Variants in KLHL14 observed in about 807,000 individuals in gnomAD.
KLHL14 encodes the protein kelch like family member 14.
A neutral mutation model predicts 64.3 loss-of-function variants in KLHL14; 22 were observed. The observed-to-expected ratio is 0.34, with a 90% CI of 0.24 to 0.49. KLHL14 has a LOEUF of 0.49. Among genes scored for constraint, KLHL14 ranks in the 20% least tolerant of loss-of-function variants. The pLI is 0.99. For missense variants in KLHL14, 661 were observed against 789.0 expected (o/e 0.84, Z 1.94); for synonymous variants, 322 against 333.4 (o/e 0.97, Z 0.37).
At chr18:32,772,112 GCC>G in intron 1 of KLHL14, 5 of 239,916 alleles carry the variant, frequency 2.1e-5, no homozygotes, top group African/African-American at 1.2e-4. Context: ...CCGCCGGCCC[GCC>G]GGCCCGCCCG....
rs781705040 is a variant in KLHL14, at chr18:32,674,465, C to T, written c.*192G>A. On this transcript the variant is annotated 3_prime_UTR_variant, in exon 9 of 9. Transcript: ENST00000359358. ...GTCTGTCACCACAGGAAGTTTGGTG[C>T]GATCTGAGTTATAGACATAGTATCT... The T allele has an allele frequency of 1.7e-5, 8 of 465,466 alleles. No individual in the cohort carries two copies. The highest frequency in any genetic ancestry group is 3.0e-5 in the East Asian group (1 of 33,620). The allele number at this position is 465,466 out of a possible 1,614,324, so 28.8% of individuals were successfully genotyped here.
rs531659417 is a variant in KLHL14 at position 32,680,740 on chromosome 18, C to A, written c.1239-141G>T. On this transcript the variant is annotated intron_variant, in intron 5 of 8. Transcript: ENST00000359358. The surrounding 1 kb of genome is among the most constrained non-coding windows in gnomAD (Gnocchi z 4.8). ...GGGTTGCAAATCTTTAAAAATTACA[C>A]GTATACCTTATAATTCTGAGACCTT... The A allele has an allele frequency of 4.2e-6, 3 of 713,116 alleles. No homozygotes were observed. In the Admixed American group the frequency reaches 8.5e-5, roughly 20 times the overall value. The allele number at this position is 713,116 out of a possible 1,614,324, so 44.2% of individuals were successfully genotyped here.
intron 3 of KLHL14, among the ~76,000 whole-genome samples, chr18:32,699,292 T>G (rs1028954568): frequency 6.6e-6 from 1 of 152,176 alleles, no homozygotes; most frequent in African/African-American, 2.4e-5. Context: ...AATATATAAT[T>G]ATATTGATCT....
chr18:32,758,572 G>C (rs187005791), intron 2 of KLHL14, among the ~76,000 whole-genome samples: 11 of 152,232 alleles, frequency 7.2e-5, no homozygotes, highest in Admixed American at 4.6e-4. Context: ...ATATGAGGCA[G>C]CATTCCCACT....
At chr18:32,753,729 G>A (rs2050268195) in intron 2 of KLHL14, among the ~76,000 whole-genome samples, 1 of 152,186 alleles carries the variant, frequency 6.6e-6, no homozygotes, top group Admixed American at 6.5e-5. Context: ...TGCTTCATGA[G>A]GGACAATGGC....
intron 7 of KLHL14, among the ~76,000 whole-genome samples, chr18:32,678,377 G>A (rs1286660002): frequency 6.6e-6 from 1 of 152,094 alleles, no homozygotes; most frequent in Non-Finnish European, 1.5e-5. Flanking sequence ...TGAATAAAAA[G>A]GTGGAGAAAT....
At chr18:32,712,964 T>C (rs12956607) in intron 3 of KLHL14, among the ~76,000 whole-genome samples, 43,548 of 152,062 alleles carry the variant, frequency 0.29, 6,456 homozygotes, top group African/African-American at 0.34. Context: ...CTCATACTCC[T>C]TGCTGGTTGC....
At chr18:32,762,236 T>C (rs2050318271) in intron 2 of KLHL14, among the ~76,000 whole-genome samples, 1 of 152,130 alleles carries the variant, frequency 6.6e-6, no homozygotes, top group Non-Finnish European at 1.5e-5. Context: ...GGACTGACTT[T>C]TTTTTTCTTT....
intron 2 of KLHL14, among the ~76,000 whole-genome samples, chr18:32,762,192 T>G (rs1389717431): frequency 1.3e-5 from 2 of 152,110 alleles, no homozygotes; most frequent in Non-Finnish European, 2.9e-5. Context: ...ATGATTGACA[T>G]TTTTTTCTTG....
chr18:32,676,150 A>C (rs1411163191), intron 8 of KLHL14, among the ~76,000 whole-genome samples: 1 of 152,188 alleles, frequency 6.6e-6, no homozygotes, highest in Non-Finnish European at 1.5e-5. Context: ...AAAGAAATAA[A>C]TAAAGGAAAA....
At chr18:32,748,081 A>G (rs980658885) in intron 2 of KLHL14, among the ~76,000 whole-genome samples, 1 of 152,248 alleles carries the variant, frequency 6.6e-6, no homozygotes, top group East Asian at 1.9e-4. Context: ...GGGGACATCT[A>G]TGGAAGCCAT....
In KLHL14 at chr18:32,770,889, C is replaced by A; in HGVS notation, c.-43-255G>T. On this transcript the variant is annotated intron_variant, in intron 1 of 8. Transcript: ENST00000359358. The surrounding 1 kb of genome is among the most constrained non-coding windows in gnomAD (Gnocchi z 6.7). ...GTTCTGCGCCCTGCGGCTCCTCTCGCCACCTCCCACACACTTCGTCCCTCA... is the reference window on the plus strand; with the variant it reads ...GTTCTGCGCCCTGCGGCTCCTCTCGACACCTCCCACACACTTCGTCCCTCA... The A allele has an allele frequency of 2.1e-6, 1 of 469,774 alleles. No individual in the cohort carries two copies. Among genetic ancestry groups the A allele is most frequent in the Non-Finnish European group, 3.9e-6 (1 of 256,890 alleles). 29.1% of individuals were successfully genotyped at this position (469,774 alleles called of 1,614,324 possible). A position where few individuals can be genotyped will look rare whatever the true frequency, so the allele number is the denominator to read the frequency against.
intron 2 of KLHL14, among the ~76,000 whole-genome samples, chr18:32,748,212 T>C (rs2050233356): frequency 6.6e-6 from 1 of 152,126 alleles, no homozygotes. Flanking sequence ...CTCTTATTTT[T>C]ATTTATTTTA....
chr18:32,686,177 A>ATTTTTTTTTTTTTTTTT lies in KLHL14; in HGVS notation c.1238+961_1238+977dup, dbSNP rs148393455. ...CAGGCGCTTGCCACTGTGCCCGGCT[A>ATTTTTTTTTTTTTTTTT]TTTTTTTTTTTTTTTTTTTTTTTTG... is the stretch of plus-strand genomic sequence containing the variant. On this transcript the variant is annotated intron_variant, in intron 5 of 8. Transcript: ENST00000359358. 2.8e-5 allele frequency among the ~76,000 whole-genome samples: 3 copies of ATTTTTTTTTTTTTTTTT among 107,674 alleles called. 1 individual carries two copies. Among genetic ancestry groups the ATTTTTTTTTTTTTTTTT allele is most frequent in the Non-Finnish European group, 5.4e-5 (3 of 55,384 alleles). 70.6% of individuals were successfully genotyped at this position (107,674 alleles called of 152,430 possible).
intron 4 of KLHL14, among the ~76,000 whole-genome samples, chr18:32,691,709 CT>C (rs1442111484): frequency 1.3e-5 from 2 of 152,164 alleles, no homozygotes; most frequent in Admixed American, 6.6e-5. Flanking sequence ...ATTCTCCTTC[CT>C]TGTGGCTACT....
At chr18:32,760,102 T>G (rs543273846) in intron 2 of KLHL14, among the ~76,000 whole-genome samples, 141 of 152,318 alleles carry the variant, frequency 9.3e-4, no homozygotes, top group Non-Finnish European at 8.5e-4. Context: ...AGCCCTCTGT[T>G]GTTTTTGTTC....
chr18:32,685,829 A>T (rs1207082457), intron 5 of KLHL14, among the ~76,000 whole-genome samples: 2 of 152,182 alleles, frequency 1.3e-5, no homozygotes, highest in African/African-American at 2.4e-5. Flanking sequence ...TGCTGCAATA[A>T]GTACATTTTT....
At chr18:32,767,826 G>T (rs2050354738) in intron 2 of KLHL14, among the ~76,000 whole-genome samples, 1 of 152,182 alleles carries the variant, frequency 6.6e-6, no homozygotes, top group Non-Finnish European at 1.5e-5. Flanking sequence ...CTTAGAATAA[G>T]TTAAATCTTA....
chr18:32,708,148 T>C (rs2049999668), intron 3 of KLHL14, among the ~76,000 whole-genome samples: 1 of 152,174 alleles, frequency 6.6e-6, no homozygotes, highest in South Asian at 2.1e-4. Context: ...GATGGATGGA[T>C]GTATTTCTGA....
Sources: gnomAD v4.1 joint callset for allele counts (sites outside exome capture counted in the v4.1 genomes callset) on GRCh38, gnomAD v4.1.1 for gene constraint, Gnocchi (gnomAD v3.1) non-coding constraint, MANE v1.5 for transcripts, NCBI Gene and HGNC (gene_info 2026-07-23, HGNC 2026-07-21) for gene names.